LY96: variants seen among roughly 807,000 people sequenced by gnomAD.
The protein encoded by LY96 is myeloid differentiation protein-2.
LY96 carries 18 observed loss-of-function variants against 18.9 expected under a neutral mutation model. The ratio of observed to expected loss-of-function variants is 0.95; its 90% CI spans 0.66 to 1.41. The LOEUF (loss-of-function observed/expected upper bound fraction) is 1.41, where lower values mean the gene tolerates loss of function less well. LY96 is among the 40% of genes most tolerant of loss of function. LY96 has a pLI of 0.00. For synonymous variants in LY96, 66 were observed against 62.6 expected (o/e 1.06, Z -0.26); for missense variants, 175 against 182.4 (o/e 0.96, Z 0.23).
intron 3 of LY96, among the ~76,000 whole-genome samples, chr8:74,013,750 T>A (rs1185110004): frequency 6.6e-6 from 1 of 152,134 alleles, no homozygotes; most frequent in African/African-American, 2.4e-5. Flanking sequence ...ACACATCTAG[T>A]CATGAAAGAG....
intron 4 of LY96, 145 bp downstream of exon 4, chr8:74,026,986 T>G (rs901121959): frequency 1.7e-5 from 10 of 582,490 alleles, no homozygotes; most frequent in African/African-American, 1.7e-4. Flanking sequence ...CAGGCTGGAG[T>G]GCAGTGGCAC....
chr8:74,077,461 T>A, the LY96 span, among the ~76,000 whole-genome samples: 2 of 152,186 alleles, frequency 1.3e-5, no homozygotes, highest in Admixed American at 1.3e-4. Context: ...TTGTGAGTGA[T>A]ATATCCTGAA....
the LY96 span, among the ~76,000 whole-genome samples, chr8:74,074,173 T>C: frequency 2.0e-5 from 3 of 152,038 alleles, no homozygotes; most frequent in Admixed American, 6.5e-5. Context: ...AATGTTTTTG[T>C]AGTTTTAGTA....
the LY96 span, among the ~76,000 whole-genome samples, chr8:74,059,401 T>G: frequency 6.6e-6 from 1 of 152,170 alleles, no homozygotes; most frequent in Admixed American, 6.5e-5. Context: ...AGCCAAGACA[T>G]TCTAAAAAAG....
At chr8:74,048,120 G>A in the LY96 span, among the ~76,000 whole-genome samples, 19 of 152,060 alleles carry the variant, frequency 1.2e-4, no homozygotes, top group Non-Finnish European at 2.6e-4. Context: ...GAACTCCTTG[G>A]GCTCAAGTCC....
At chr8:73,997,015 G>C (rs1289392991) in intron 1 of LY96, among the ~76,000 whole-genome samples, 1 of 152,188 alleles carries the variant, frequency 6.6e-6, no homozygotes, top group Admixed American at 6.5e-5. Context: ...AAAGTGCTGG[G>C]ATTACAGGCA....
rs189130409 is a variant in LY96 at position 74,021,132 on chromosome 8, C to T, written c.332-5657C>T. Reference sequence around the variant, plus strand: ...AGAAACTGTCATCAGATTGAACAGGCGACCTACAGAATGGGAGAAAATTTT... The same window carrying T: ...AGAAACTGTCATCAGATTGAACAGGTGACCTACAGAATGGGAGAAAATTTT... On this transcript the variant is annotated intron_variant, in intron 3 of 4. Coordinates refer to ENST00000284818, the MANE Select transcript of LY96 (RefSeq NM_015364.5). Among the ~76,000 whole-genome samples, 26 of 152,260 alleles carry T rather than the reference C, an allele frequency of 1.7e-4. No individual in the cohort carries two copies. In the East Asian group the frequency reaches 2.9e-3, roughly 17 times the overall value.
the LY96 span, among the ~76,000 whole-genome samples, chr8:74,039,930 C>T: frequency 1.3e-5 from 2 of 152,118 alleles, no homozygotes; most frequent in African/African-American, 4.8e-5. Context: ...GCTGGTGGAG[C>T]AGAGTGTTCC....
the LY96 span, among the ~76,000 whole-genome samples, chr8:74,081,437 T>G: frequency 1.3e-5 from 2 of 151,652 alleles, no homozygotes; most frequent in Admixed American, 1.3e-4. Flanking sequence ...AAATTTTTTT[T>G]TTTTTGGAGA....
the LY96 span, among the ~76,000 whole-genome samples, chr8:74,072,064 A>C: frequency 0.019 from 2,877 of 152,278 alleles, 82 homozygotes; most frequent in African/African-American, 0.065. Flanking sequence ...GCTGGAGTAT[A>C]TGTGGATGTT....
At chr8:74,080,990 CTTTCTT>C in the LY96 span, among the ~76,000 whole-genome samples, 338 of 78,952 alleles carry the variant, frequency 4.3e-3, 1 homozygote, top group Admixed American at 9.7e-3. Flanking sequence ...CTCTCTCTTT[CTTTCTT>C]TCTTTCTTTC....
At chr8:74,016,872 A>G (rs1044320035) in intron 3 of LY96, among the ~76,000 whole-genome samples, 3 of 152,202 alleles carry the variant, frequency 2.0e-5, no homozygotes, top group Non-Finnish European at 4.4e-5. Context: ...AACAAAAAGG[A>G]CATCCACACC....
At chr8:74,067,313 C>A in the LY96 span, among the ~76,000 whole-genome samples, 1 of 152,160 alleles carries the variant, frequency 6.6e-6, no homozygotes, top group Admixed American at 6.5e-5. Context: ...CTCACTGTAG[C>A]CTCAACCTCC....
At chr8:74,028,842 A>G in intron 4 of LY96, 114 bp from the exon 5 acceptor site, 1 of 624,998 alleles carries the variant, frequency 1.6e-6, no homozygotes, top group South Asian at 2.2e-5. Flanking sequence ...GGAAAACTAT[A>G]AAATCAATCC....
the LY96 span, among the ~76,000 whole-genome samples, chr8:74,094,810 T>C: frequency 6.6e-6 from 1 of 152,336 alleles, no homozygotes; most frequent in East Asian, 1.9e-4. Flanking sequence ...TTAAGGCAGA[T>C]TTTCCATTTT....
the LY96 span, among the ~76,000 whole-genome samples, chr8:74,087,474 T>C: frequency 6.6e-6 from 1 of 152,146 alleles, no homozygotes; most frequent in Non-Finnish European, 1.5e-5. Flanking sequence ...AACAAAGCCG[T>C]CAGCACTCAG....
At chr8:74,049,611 C>T in the LY96 span, among the ~76,000 whole-genome samples, 1 of 152,198 alleles carries the variant, frequency 6.6e-6, no homozygotes, top group Middle Eastern at 3.2e-3. Context: ...AGTTAGGCAG[C>T]ACACCCAGGG....
chr8:74,069,601 T>C, the LY96 span, among the ~76,000 whole-genome samples: 1 of 152,102 alleles, frequency 6.6e-6, no homozygotes, highest in Non-Finnish European at 1.5e-5. Context: ...TATTTATTTA[T>C]TTTTATTTGT....
the LY96 span, chr8:74,048,858 GA>G: frequency 6.7e-6 from 1 of 150,306 alleles, no homozygotes; most frequent in African/African-American, 2.5e-5. Flanking sequence ...GAGAAAGAAA[GA>G]AAAGGAGAAA....
Sources: allele counts gnomAD v4.1 joint callset (sites outside exome capture counted in the v4.1 genomes callset), GRCh38; gene constraint gnomAD v4.1.1; transcripts MANE v1.5; gene names NCBI Gene and HGNC (gene_info 2026-07-23, HGNC 2026-07-21).